ASCC3: variants seen among roughly 807,000 people sequenced by gnomAD.
ASCC3 encodes the protein ASC-1 complex subunit P200.
Under a neutral mutation model 256.3 loss-of-function variants are expected in ASCC3, and 158 were observed. The ratio of observed to expected loss-of-function variants is 0.62; its 90% CI spans 0.54 to 0.70. The LOEUF is 0.70. ASCC3 is among the 30% of genes least tolerant of loss of function. The probability of loss-of-function intolerance (pLI) is 0.00; values close to 1 mark genes in which losing one functional copy is unlikely to be tolerated. For missense variants in ASCC3, 2,259 were observed against 2,626.0 expected (o/e 0.86, Z 3.05); for synonymous variants, 948 against 883.4 (o/e 1.07, Z -1.30).
At chr6:100,518,281 C>T in intron 37 of ASCC3, 139 bp from the exon 38 acceptor site, 1 of 942,766 alleles carries the variant, frequency 1.1e-6, no homozygotes, top group East Asian at 2.6e-5. Flanking sequence ...AACATAGAAA[C>T]CAGAAAATAA....
chr6:100,843,328 A>G (rs1772237933), intron 4 of ASCC3, among the ~76,000 whole-genome samples: 1 of 152,180 alleles, frequency 6.6e-6, no homozygotes, highest in Non-Finnish European at 1.5e-5. Context: ...GAGGTTCAGA[A>G]ATGAACTTGC....
chr6:100,647,064 A>T (rs239237), intron 21 of ASCC3, among the ~76,000 whole-genome samples, 162 bp downstream of exon 21: 1 of 151,892 alleles, frequency 6.6e-6, no homozygotes, highest in Non-Finnish European at 1.5e-5. Context: ...ACTTGAATAT[A>T]AAGAGATTTT....
intron 8 of ASCC3, among the ~76,000 whole-genome samples, chr6:100,779,658 A>G (rs1054842469): frequency 4.6e-5 from 7 of 152,198 alleles, no homozygotes; most frequent in African/African-American, 1.7e-4. Context: ...AGATTCAGAT[A>G]AACAAGTGTA....
At chr6:100,594,074 G>C (rs1438316567) in intron 34 of ASCC3, among the ~76,000 whole-genome samples, 22 of 152,038 alleles carry the variant, frequency 1.4e-4, no homozygotes, top group Admixed American at 1.4e-3. Flanking sequence ...CAGGAACAGT[G>C]GTTGAAATCT....
intron 36 of ASCC3, among the ~76,000 whole-genome samples, chr6:100,587,599 GAGA>G (rs998659885): frequency 1.1e-4 from 17 of 152,180 alleles, no homozygotes; most frequent in African/African-American, 3.6e-4. Flanking sequence ...AACACCATGG[GAGA>G]AGAAGATATT....
chr6:100,729,648 A>G (rs1333541355), intron 10 of ASCC3, among the ~76,000 whole-genome samples: 2 of 152,234 alleles, frequency 1.3e-5, no homozygotes, highest in Non-Finnish European at 2.9e-5. Flanking sequence ...TATACAAGTC[A>G]TATTGATATC....
chr6:100,644,610 C>G (rs1455591506), intron 22 of ASCC3, among the ~76,000 whole-genome samples: 1 of 152,130 alleles, frequency 6.6e-6, no homozygotes, highest in African/African-American at 2.4e-5. Context: ...CTTACTCTCT[C>G]TGTCTCGCTC....
intron 10 of ASCC3, among the ~76,000 whole-genome samples, chr6:100,748,042 C>T (rs1456236614): frequency 6.6e-6 from 1 of 151,778 alleles, no homozygotes; most frequent in African/African-American, 2.4e-5. Flanking sequence ...AAATAAGAGC[C>T]TTCTTTTAAA....
In ASCC3 at chr6:100,800,416, C is replaced by A. The variant is rs1481610702; in HGVS notation, c.1011G>T (p.Met337Ile). ...TTTTTTCTTCACGTCGATATTGTTT[C>A]ATTAACTGCTTTTCTTGTTCAGACT... ...TIQSEQEKQL[M>I]KQYRREEKRI... is the part of the protein sequence containing the mutation. The change falls in exon 6 of 42, where the codon ATG (methionine) becomes ATT (isoleucine). Residue 337 changes from methionine to isoleucine, a missense_variant. Coordinates refer to ENST00000369162, the MANE Select transcript of ASCC3 (RefSeq NM_006828.4). 2 of 1,612,640 alleles carry A rather than the reference C, an allele frequency of 1.2e-6. No individual in the cohort carries two copies. The highest frequency in any genetic ancestry group is 1.7e-5 in the Admixed American group (1 of 59,876).
intron 4 of ASCC3, among the ~76,000 whole-genome samples, chr6:100,809,615 T>C (rs192610903): frequency 6.6e-6 from 1 of 152,052 alleles, no homozygotes; most frequent in African/African-American, 2.4e-5. Context: ...ATAAACCACA[T>C]AAACAAAATC....
intron 30 of ASCC3, among the ~76,000 whole-genome samples, chr6:100,621,884 T>C (rs557839737): frequency 1.3e-5 from 2 of 152,308 alleles, no homozygotes; most frequent in Admixed American, 1.3e-4. Context: ...GTGGTACATA[T>C]ATACCATGGA....
In ASCC3 at chr6:100,512,013, C is replaced by T. The variant is rs570819433; in HGVS notation, c.6285+696G>A. 3.3e-5 allele frequency among the ~76,000 whole-genome samples: 5 copies of T among 152,222 alleles called. No individual in the cohort carries two copies. The South Asian group carries it at 1.0e-3, about 32-fold the overall frequency. ...TTTTAATTATTATGGCACTAAAAAC[C>T]AATCTGCCCACCTGCTGTGTACTAA... On this transcript the variant is annotated intron_variant, in intron 40 of 41. Coordinates refer to ENST00000369162, the MANE Select transcript of ASCC3 (RefSeq NM_006828.4).
intron 10 of ASCC3, among the ~76,000 whole-genome samples, chr6:100,754,048 C>A (rs887772765): frequency 6.6e-6 from 1 of 152,096 alleles, no homozygotes; most frequent in Non-Finnish European, 1.5e-5. Context: ...AATAATTGTG[C>A]TGAAAATGCA....
At chr6:100,834,686 C>T (rs1771790164) in intron 4 of ASCC3, among the ~76,000 whole-genome samples, 1 of 151,996 alleles carries the variant, frequency 6.6e-6, no homozygotes, top group African/African-American at 2.4e-5. Context: ...GAGCACATTA[C>T]AAACAACTTT....
chr6:100,624,820 T>G (rs1774146880), intron 30 of ASCC3, among the ~76,000 whole-genome samples: 1 of 151,830 alleles, frequency 6.6e-6, no homozygotes, highest in Admixed American at 6.6e-5. Context: ...TAATAACAGG[T>G]TTTAAATTTT....
At chr6:100,531,169 TTG>T (rs1774853470) in intron 37 of ASCC3, 2 of 677,836 alleles carry the variant, frequency 3.0e-6, no homozygotes, top group Middle Eastern at 4.2e-4. Context: ...AGACTGAGGG[TTG>T]AGACAAAACT....
At position 100,569,628 on chromosome 6, in the gene ASCC3, C is replaced by T. The variant is rs1183033144; in HGVS notation, c.5550+20006G>A. On this transcript the variant is annotated intron_variant, in intron 36 of 41. Coordinates refer to ENST00000369162, the MANE Select transcript of ASCC3 (RefSeq NM_006828.4). ...CTCGATCTCCTGACCTCGTGATCCG[C>T]CCTCCTCAGCCTCCCAAAATGCTGG... Among the ~76,000 whole-genome samples the T allele has an allele frequency of 6.6e-5, 10 of 152,236 alleles. No homozygotes were observed. In the Middle Eastern group the frequency reaches 0.017, roughly 259 times the overall value.
intron 36 of ASCC3, among the ~76,000 whole-genome samples, chr6:100,582,099 G>C: frequency 6.6e-6 from 1 of 151,450 alleles, no homozygotes; most frequent in Non-Finnish European, 1.5e-5. Context: ...GAACTTTAAA[G>C]TAGTTTTTTC....
chr6:100,535,650 G>C (rs1582406259), intron 37 of ASCC3, among the ~76,000 whole-genome samples: 1 of 151,888 alleles, frequency 6.6e-6, no homozygotes, highest in Non-Finnish European at 1.5e-5. Flanking sequence ...TGTATTTTTA[G>C]TAGAGATGGG....
Sources: gnomAD v4.1 joint callset for allele counts (sites outside exome capture counted in the v4.1 genomes callset) on GRCh38, gnomAD v4.1.1 for gene constraint, MANE v1.5 for transcripts, NCBI Gene and HGNC (gene_info 2026-07-23, HGNC 2026-07-21) for gene names.